Variants in LAMA2 observed in about 807,000 individuals in gnomAD.
LAMA2 encodes the protein laminin subunit alpha 2.
Under a neutral mutation model 364.8 loss-of-function variants are expected in LAMA2, and 269 were observed. That is an observed-to-expected ratio of 0.74 (90% CI 0.67 to 0.82). The LOEUF is 0.82. Ranked by LOEUF, LAMA2 falls within the 40% of genes least tolerant of loss-of-function variation. The pLI, the probability that LAMA2 is intolerant of heterozygous loss-of-function variation, is 0.00. For synonymous variants in LAMA2, 1,379 were observed against 1,370.6 expected, an observed-to-expected ratio of 1.01 and a Z score of -0.14; for missense variants, 3,807 against 3,873.2, an observed-to-expected ratio of 0.98 and a Z score of 0.45.
intron 18 of LAMA2, 114 bp downstream of exon 18, chr6:129,280,261 G>A (rs1046294969): frequency 2.7e-6 from 2 of 736,490 alleles, no homozygotes; most frequent in East Asian, 2.6e-5. Flanking sequence ...CACTCAATGA[G>A]GTGAAATAAA....
rs1491387157 is a variant in LAMA2, at chr6:129,330,591, G to GTTTTTTTTTTTT, written c.4311+2179_4311+2180insTTTTTTTTTTTT. 8.6e-4 allele frequency among the ~76,000 whole-genome samples: 72 copies of GTTTTTTTTTTTT among 83,772 alleles called. 2 individuals are homozygous for GTTTTTTTTTTTT. The highest frequency in any genetic ancestry group is 8.5e-3 in the Middle Eastern group (1 of 118). 55.0% of individuals were successfully genotyped at this position (83,772 alleles called of 152,430 possible). On this transcript the variant is annotated intron_variant, in intron 29 of 64. Coordinates refer to ENST00000421865, the MANE Select transcript of LAMA2 (RefSeq NM_000426.4). ...TTGAAGCGTTTTTTTGTTGTTGTTT[G>GTTTTTTTTTTTT]GTTTTTGTTTTTTTTTTTTTTTTTC...
chr6:129,128,590 T>C (rs1268200082), intron 4 of LAMA2, among the ~76,000 whole-genome samples: 1 of 152,246 alleles, frequency 6.6e-6, no homozygotes, highest in Non-Finnish European at 1.5e-5. Context: ...TTGGGTATTA[T>C]GAACATTTTA....
intron 15 of LAMA2, among the ~76,000 whole-genome samples, chr6:129,261,410 A>C (rs1473516343): frequency 6.6e-6 from 1 of 152,110 alleles, no homozygotes; most frequent in African/African-American, 2.4e-5. Context: ...ATTTATAATA[A>C]GATTAATGGT....
chr6:129,432,747 A>C (rs1239858867), intron 41 of LAMA2, among the ~76,000 whole-genome samples: 1 of 152,336 alleles, frequency 6.6e-6, no homozygotes, highest in Middle Eastern at 3.4e-3. Flanking sequence ...CATGTCCTAG[A>C]GGAGCCAAAT....
At chr6:128,924,578 C>A (rs1442149522) in intron 1 of LAMA2, among the ~76,000 whole-genome samples, 1 of 151,982 alleles carries the variant, frequency 6.6e-6, no homozygotes, top group African/African-American at 2.4e-5. Context: ...TAAACTAAAG[C>A]TTTTTTAACA....
chr6:129,049,147 T>A (rs901993993), intron 1 of LAMA2, among the ~76,000 whole-genome samples: 11 of 152,132 alleles, frequency 7.2e-5, no homozygotes, highest in Non-Finnish European at 1.2e-4. Flanking sequence ...GCTAGACATG[T>A]ATGAAGCACA....
intron 3 of LAMA2, among the ~76,000 whole-genome samples, chr6:129,079,505 A>AC (rs1202390304): frequency 1.3e-5 from 2 of 151,118 alleles, no homozygotes; most frequent in African/African-American, 2.4e-5. Flanking sequence ...CATCGGCCAT[A>AC]CACAAGGATT....
Position 129,291,705 on chromosome 6 carries a change from A to G in LAMA2, c.2841A>G (p.Arg947=), listed in dbSNP as rs780844742. ...CECRANVQGQ[R]CDKCKAGTFG... is the part of the protein sequence containing the mutation. ...GCAGAGCCAACGTTCAGGGTCAGAG[A>G]TGTGACAAATGCAAGGTAAGGAGTA... The change falls in exon 20 of 65, where the codon AGA becomes AGG. Residue 947 remains arginine (R), a synonymous_variant. Transcript: ENST00000421865. The G allele has an allele frequency of 6.2e-7, 1 of 1,612,044 alleles. No individual in the cohort carries two copies. The highest frequency in any genetic ancestry group is 1.1e-5 in the South Asian group (1 of 91,026).
At chr6:129,048,547 TTCTTTC>T (rs1265099549) in intron 1 of LAMA2, among the ~76,000 whole-genome samples, 14 of 49,232 alleles carry the variant, frequency 2.8e-4, no homozygotes, top group African/African-American at 8.3e-4. Context: ...CTTCCTTTCT[TTCTTTC>T]TCTCTCTCTC....
At chr6:129,271,275 C>T (rs1008439722) in intron 17 of LAMA2, among the ~76,000 whole-genome samples, 1 of 151,922 alleles carries the variant, frequency 6.6e-6, no homozygotes, top group African/African-American at 2.4e-5. Context: ...CCTAGAACAA[C>T]CACCTCTTAG....
intron 8 of LAMA2, among the ~76,000 whole-genome samples, chr6:129,160,495 T>C (rs1037865933): frequency 2.5e-4 from 38 of 152,058 alleles, no homozygotes; most frequent in African/African-American, 8.9e-4. Flanking sequence ...TGATCACTTA[T>C]GTTAGGGGTT....
chr6:129,043,351 C>T (rs533540739), intron 1 of LAMA2, among the ~76,000 whole-genome samples: 1 of 152,146 alleles, frequency 6.6e-6, no homozygotes, highest in African/African-American at 2.4e-5. Context: ...AAGAATTTAA[C>T]AGGGAAAAAG....
chr6:129,099,585 A>G (rs1332528280), intron 4 of LAMA2, among the ~76,000 whole-genome samples: 1 of 152,132 alleles, frequency 6.6e-6, no homozygotes, highest in East Asian at 1.9e-4. Context: ...TGAAGCTAGT[A>G]TCATCATTTA....
chr6:129,265,490 A>G (rs764606274), intron 15 of LAMA2, among the ~76,000 whole-genome samples: 2 of 152,150 alleles, frequency 1.3e-5, no homozygotes, highest in Non-Finnish European at 2.9e-5. Context: ...CCTTATGAAT[A>G]TGTAGCTTCA....
chr6:128,949,080 ATAAT>A (rs1163791679), intron 1 of LAMA2, among the ~76,000 whole-genome samples: 2 of 152,198 alleles, frequency 1.3e-5, no homozygotes, highest in African/African-American at 4.8e-5. Flanking sequence ...TTTATGAGTA[ATAAT>A]TAAGCTTATT....
intron 58 of LAMA2, among the ~76,000 whole-genome samples, chr6:129,494,368 C>A (rs943180683): frequency 6.6e-6 from 1 of 152,232 alleles, no homozygotes; most frequent in Non-Finnish European, 1.5e-5. Flanking sequence ...AGCATCCTTT[C>A]ATCCTTTGTA....
intron 14 of LAMA2, among the ~76,000 whole-genome samples, chr6:129,255,509 G>T (rs1786598138): frequency 6.8e-6 from 1 of 147,502 alleles, no homozygotes; most frequent in Admixed American, 6.8e-5. Context: ...GATTTTACAT[G>T]AGTAAGCCTT....
At chr6:129,102,163 C>T (rs992603337) in intron 4 of LAMA2, among the ~76,000 whole-genome samples, 2 of 138,682 alleles carry the variant, frequency 1.4e-5, no homozygotes, top group African/African-American at 5.6e-5. Flanking sequence ...GAGTCTCGCT[C>T]TGTCACCCAG....
At chr6:128,937,959 A>G (rs72983347) in intron 1 of LAMA2, among the ~76,000 whole-genome samples, 99 of 151,388 alleles carry the variant, frequency 6.5e-4, no homozygotes, top group Admixed American at 1.2e-3. Context: ...TGCATCCCAG[A>G]AGTTTTGGTG....
Sources: allele counts gnomAD v4.1 joint callset (sites outside exome capture counted in the v4.1 genomes callset), GRCh38; gene constraint gnomAD v4.1.1; transcripts MANE v1.5; gene names NCBI Gene and HGNC (gene_info 2026-07-23, HGNC 2026-07-21).